Variants in UNC13C observed in about 807,000 individuals in gnomAD.
The protein encoded by UNC13C is protein unc-13 homolog C.
A neutral mutation model predicts 245.4 loss-of-function variants in UNC13C; 174 were observed. That is an observed-to-expected ratio of 0.71 (90% confidence interval 0.63 to 0.80). UNC13C has a LOEUF of 0.80. UNC13C is among the 30% of genes least tolerant of loss of function. UNC13C has a pLI of 0.00. For missense variants in UNC13C, 2,829 were observed against 2,602.9 expected (o/e 1.09, Z -1.89); for synonymous variants, 992 against 895.1 (o/e 1.11, Z -1.93).
At chr15:54,241,674 T>C (rs2035854729) in intron 7 of UNC13C, among the ~76,000 whole-genome samples, 1 of 152,272 alleles carries the variant, frequency 6.6e-6, no homozygotes, top group South Asian at 2.1e-4. Context: ...AAATAGCTTA[T>C]GTAGAAAGCT....
chr15:53,887,077 G>A, the UNC13C span, among the ~76,000 whole-genome samples: 1 of 152,120 alleles, frequency 6.6e-6, no homozygotes, highest in African/African-American at 2.4e-5. Context: ...AAATTAAGAA[G>A]ATCTGAGTAA....
chr15:54,063,226 G>A (rs547170063), intron 2 of UNC13C, among the ~76,000 whole-genome samples: 1 of 152,274 alleles, frequency 6.6e-6, no homozygotes, highest in Admixed American at 6.5e-5. Context: ...ATGTGAATTA[G>A]CTTTCATTCT....
chr15:53,956,875 A>T, the UNC13C span, among the ~76,000 whole-genome samples: 1 of 139,700 alleles, frequency 7.2e-6, no homozygotes, highest in Non-Finnish European at 1.6e-5. Context: ...GTTAAGCTCA[A>T]GTGTGTGTGT....
chr15:54,452,678 AC>A lies in UNC13C; in HGVS notation c.4933+37615del, dbSNP rs763148578. On this transcript the variant is annotated intron_variant, in intron 19 of 32. Coordinates refer to ENST00000260323, the MANE Select transcript of UNC13C (RefSeq NM_001080534.3). ...TGTGGTCAGACGGAGTGATCCTCAG[AC>A]CCCAGCAGCATGCTTTTGTGGAGAT... Among the ~76,000 whole-genome samples the A allele has an allele frequency of 4.6e-5, 7 of 152,164 alleles. 1 individual carries two copies. The highest frequency in any genetic ancestry group is 1.9e-4 in the East Asian group (1 of 5,142).
At chr15:54,004,798 A>T (rs1229663108) in intron 1 of UNC13C, among the ~76,000 whole-genome samples, 2 of 152,146 alleles carry the variant, frequency 1.3e-5, no homozygotes, top group African/African-American at 2.4e-5. Context: ...TTCCGTTTGT[A>T]TATATTCTTT....
chr15:54,052,795 A>G (rs1897327747), intron 2 of UNC13C, among the ~76,000 whole-genome samples: 1 of 152,136 alleles, frequency 6.6e-6, no homozygotes, highest in Non-Finnish European at 1.5e-5. Flanking sequence ...TTCACTTGTC[A>G]CCTCGAACAA....
At chr15:54,007,725 A>G (rs989985624) in intron 1 of UNC13C, among the ~76,000 whole-genome samples, 1 of 152,326 alleles carries the variant, frequency 6.6e-6, no homozygotes, top group African/African-American at 2.4e-5. Context: ...ACATTTATCT[A>G]TGTAACAAAC....
intron 2 of UNC13C, among the ~76,000 whole-genome samples, chr15:54,074,987 C>T (rs1247822823): frequency 6.6e-6 from 1 of 152,134 alleles, no homozygotes; most frequent in East Asian, 1.9e-4. Context: ...ACTTTCTTAA[C>T]TGGTGATGTA....
At chr15:54,379,593 C>T (rs1193629859) in intron 17 of UNC13C, among the ~76,000 whole-genome samples, 1 of 152,036 alleles carries the variant, frequency 6.6e-6, no homozygotes, top group Non-Finnish European at 1.5e-5. Context: ...GTATGTAAGG[C>T]CAAATTTGCA....
the UNC13C span, among the ~76,000 whole-genome samples, chr15:53,873,529 T>C: frequency 6.6e-6 from 1 of 152,096 alleles, no homozygotes; most frequent in Non-Finnish European, 1.5e-5. Flanking sequence ...TTCCCTCCCC[T>C]CTTTTGGATT....
intron 2 of UNC13C, among the ~76,000 whole-genome samples, chr15:54,029,409 C>T (rs17732069): frequency 0.096 from 14,565 of 152,154 alleles, 758 homozygotes; most frequent in Middle Eastern, 0.16. Flanking sequence ...TATTATGATC[C>T]GGTTCAAGTG....
At chr15:54,347,521 G>C (rs2038885277) in intron 17 of UNC13C, among the ~76,000 whole-genome samples, 1 of 152,082 alleles carries the variant, frequency 6.6e-6, no homozygotes, top group Admixed American at 6.6e-5. Flanking sequence ...CACACTTAGG[G>C]ACTTTTTAAA....
At chr15:54,043,746 T>C (rs372106124) in intron 2 of UNC13C, among the ~76,000 whole-genome samples, 22 of 152,328 alleles carry the variant, frequency 1.4e-4, no homozygotes, top group African/African-American at 4.6e-4. Flanking sequence ...GGTGTCCTAC[T>C]CTTTTCATCT....
intron 23 of UNC13C, among the ~76,000 whole-genome samples, chr15:54,508,681 T>A (rs1297712882): frequency 6.6e-6 from 1 of 152,150 alleles, no homozygotes; most frequent in Non-Finnish European, 1.5e-5. Flanking sequence ...TATCACTTGG[T>A]TACTAGGCTT....
the UNC13C span, among the ~76,000 whole-genome samples, chr15:53,888,803 G>T: frequency 6.6e-6 from 1 of 152,164 alleles, no homozygotes; most frequent in African/African-American, 2.4e-5. Flanking sequence ...TTATTAGATA[G>T]GGTATCTTTT....
chr15:54,573,307 G>T (rs1277907551), intron 30 of UNC13C, among the ~76,000 whole-genome samples: 12 of 151,684 alleles, frequency 7.9e-5, no homozygotes, highest in Admixed American at 7.2e-4. Flanking sequence ...TAGACAAAAA[G>T]AAAAAAATAC....
At chr15:54,170,521 C>T (rs2033357230) in intron 4 of UNC13C, among the ~76,000 whole-genome samples, 1 of 152,022 alleles carries the variant, frequency 6.6e-6, no homozygotes, top group Admixed American at 6.6e-5. Flanking sequence ...GTCAAGTTTT[C>T]CCTTTTTAAA....
At chr15:54,134,171 A>T (rs557224503) in intron 2 of UNC13C, among the ~76,000 whole-genome samples, 1 of 151,484 alleles carries the variant, frequency 6.6e-6, no homozygotes, top group African/African-American at 2.4e-5. Flanking sequence ...CCCAGAATTT[A>T]TTCATCTTAT....
the UNC13C span, among the ~76,000 whole-genome samples, chr15:53,904,527 T>C: frequency 6.6e-6 from 1 of 152,132 alleles, no homozygotes; most frequent in Non-Finnish European, 1.5e-5. Context: ...GAAGTAACTC[T>C]TTTCTGTTTG....
Sources: allele counts gnomAD v4.1 joint callset (sites outside exome capture counted in the v4.1 genomes callset), GRCh38; gene constraint gnomAD v4.1.1; transcripts MANE v1.5; gene names NCBI Gene and HGNC (gene_info 2026-07-23, HGNC 2026-07-21).